CACNA1D: variants seen among roughly 807,000 people sequenced by gnomAD.
CACNA1D encodes the protein voltage-dependent L-type calcium channel subunit alpha-1D.
In CACNA1D, 55 loss-of-function variants were observed where a neutral mutation model predicts 257.1. The ratio of observed to expected loss-of-function variants is 0.21; its 90% CI spans 0.17 to 0.27. The LOEUF (loss-of-function observed/expected upper bound fraction) is 0.27. Ranked by LOEUF, CACNA1D falls within the 10% of genes least tolerant of loss-of-function variation. The pLI, the probability that CACNA1D is intolerant of heterozygous loss-of-function variation, is 1.00. For missense variants in CACNA1D, 1,876 were observed against 2,784.0 expected, an observed-to-expected ratio of 0.67 and a Z score of 7.34; for synonymous variants, 980 against 1,014.9, an observed-to-expected ratio of 0.97 and a Z score of 0.65.
At chr3:53,499,132 G>A (rs1187807871) in intron 2 of CACNA1D, among the ~76,000 whole-genome samples, 2 of 152,028 alleles carry the variant, frequency 1.3e-5, no homozygotes, top group Admixed American at 6.5e-5. Flanking sequence ...CTTTGTGCAC[G>A]GTAATGTGTA....
At chr3:53,679,968 A>T (rs1267636803) in intron 8 of CACNA1D, among the ~76,000 whole-genome samples, 1 of 152,226 alleles carries the variant, frequency 6.6e-6, no homozygotes, top group Non-Finnish European at 1.5e-5. Context: ...TCTAATAAAG[A>T]ACCTAGCTAA....
In CACNA1D at chr3:53,693,935, A is replaced by G. The variant is rs149652642; in HGVS notation, c.1221-8706A>G. Among the ~76,000 whole-genome samples the G allele has an allele frequency of 4.7e-3, 713 of 152,340 alleles. 8 individuals are homozygous for G. Among genetic ancestry groups the G allele is most frequent in the African/African-American group, 0.017 (689 of 41,578 alleles). Reference sequence around the variant, plus strand: ...TAGCATTGCAACACAAGAAAAAAAAATCCTGTATCTAAATCAAGATGACTT... The same window carrying G: ...TAGCATTGCAACACAAGAAAAAAAAGTCCTGTATCTAAATCAAGATGACTT... On this transcript the variant is annotated intron_variant, in intron 8 of 47. Coordinates refer to ENST00000350061, the MANE Select transcript of CACNA1D (RefSeq NM_001128840.3).
intron 3 of CACNA1D, among the ~76,000 whole-genome samples, chr3:53,596,126 A>G (rs2093366505): frequency 6.6e-6 from 1 of 152,140 alleles, no homozygotes; most frequent in Non-Finnish European, 1.5e-5. Flanking sequence ...GCTGTATCAC[A>G]GTTCTCTTCT....
chr3:53,660,000 G>A, intron 4 of CACNA1D, 133 bp from the exon 5 acceptor site: 1 of 770,380 alleles, frequency 1.3e-6, no homozygotes, highest in South Asian at 1.6e-5. Context: ...CCCAGTTCTT[G>A]TCTTTGTCTT....
intron 8 of CACNA1D, among the ~76,000 whole-genome samples, chr3:53,701,365 C>T (rs1380801588): frequency 6.6e-6 from 1 of 152,124 alleles, no homozygotes; most frequent in Non-Finnish European, 1.5e-5. Flanking sequence ...AACTCCTGAC[C>T]TCATGATCCA....
intron 21 of CACNA1D, 116 bp from the exon 22 acceptor site, chr3:53,742,895 C>T (rs1314086027): frequency 2.6e-6 from 2 of 765,304 alleles, no homozygotes; most frequent in Admixed American, 1.9e-5. Context: ...ACATTTCTGA[C>T]TTCTTAATGC....
At chr3:53,549,016 A>C (rs748494405) in intron 3 of CACNA1D, among the ~76,000 whole-genome samples, 6 of 152,228 alleles carry the variant, frequency 3.9e-5, no homozygotes, top group Non-Finnish European at 5.9e-5. Flanking sequence ...CAGAAGAGTT[A>C]AAAAATAGAA....
intron 20 of CACNA1D, among the ~76,000 whole-genome samples, chr3:53,737,989 C>T (rs1576510513): frequency 1.3e-5 from 2 of 152,196 alleles, no homozygotes; most frequent in East Asian, 3.9e-4. Flanking sequence ...TTACTCGGCA[C>T]TGAGGACCAT....
At chr3:53,778,443 G>A (rs1354852501) in intron 37 of CACNA1D, among the ~76,000 whole-genome samples, 2 of 152,242 alleles carry the variant, frequency 1.3e-5, no homozygotes, top group Non-Finnish European at 2.9e-5. Flanking sequence ...GGGTTGGTAG[G>A]AGGACTAGGA....
rs576837404 is a variant in CACNA1D, at chr3:53,632,909, C to T, written c.484-17870C>T. ...TGATCATAGATCACCGTACCAGATA[C>T]GATAAAAATGAAACAGTTTGAAATA... On this transcript the variant is annotated intron_variant, in intron 3 of 47. Coordinates refer to ENST00000350061, the MANE Select transcript of CACNA1D (RefSeq NM_001128840.3). 8.5e-5 allele frequency among the ~76,000 whole-genome samples: 13 copies of T among 152,096 alleles called. No individual in the cohort carries two copies. The South Asian group carries it at 1.7e-3, about 19-fold the overall frequency.
chr3:53,732,107 C>G, intron 18 of CACNA1D, 25 bp downstream of exon 18: 1 of 1,575,380 alleles, frequency 6.3e-7, no homozygotes, highest in South Asian at 1.1e-5. Context: ...GCCGGAGACG[C>G]TGGCTTTGCT....
At chr3:53,762,167 C>T (rs531579694) in intron 30 of CACNA1D, 86 bp downstream of exon 30, 15 of 856,562 alleles carry the variant, frequency 1.8e-5, no homozygotes, top group African/African-American at 1.3e-4. Flanking sequence ...AGTGGCATCA[C>T]CTGGACAAGT....
At chr3:53,540,664 C>T (rs772469364) in intron 3 of CACNA1D, among the ~76,000 whole-genome samples, 7 of 152,082 alleles carry the variant, frequency 4.6e-5, no homozygotes, top group Non-Finnish European at 7.3e-5. Flanking sequence ...TACTTTTTCA[C>T]ATACAATTTT....
intron 45 of CACNA1D, among the ~76,000 whole-genome samples, chr3:53,807,299 A>G (rs1309900122): frequency 6.6e-6 from 1 of 152,226 alleles, no homozygotes; most frequent in Non-Finnish European, 1.5e-5. Flanking sequence ...CGTGGAGGGA[A>G]GGCTTTCTGA....
Position 53,630,536 on chromosome 3 carries a change from A to G in CACNA1D, c.484-20243A>G, listed in dbSNP as rs1049846136. On this transcript the variant is annotated intron_variant, in intron 3 of 47. Coordinates refer to ENST00000350061, the MANE Select transcript of CACNA1D (RefSeq NM_001128840.3). ...CCAACTGACATAAACTTGGGAACCAACCACCAACTCCTGATAAGCAAACAG... is the reference window on the plus strand; with the variant it reads ...CCAACTGACATAAACTTGGGAACCAGCCACCAACTCCTGATAAGCAAACAG... Among the ~76,000 whole-genome samples the G allele has an allele frequency of 3.9e-5, 6 of 152,314 alleles. No individual in the cohort carries two copies. In the South Asian group the frequency reaches 8.3e-4, roughly 21 times the overall value.
chr3:53,747,235 C>A lies in CACNA1D; in HGVS notation c.3168-67C>A, dbSNP rs200029348. On this transcript the variant is annotated intron_variant, in intron 25 of 47. Coordinates refer to ENST00000350061, the MANE Select transcript of CACNA1D (RefSeq NM_001128840.3). ...TGGAGGTTGGATTGGGGCAGTGTGT[C>A]CAACTTTACGCTGCTTCCACCTGTC... 8,353 of 1,436,508 alleles carry A rather than the reference C, an allele frequency of 5.8e-3. 25 individuals are homozygous for A. Among genetic ancestry groups the A allele is most frequent in the Middle Eastern group, 8.4e-3 (37 of 4,406 alleles). 89.0% of individuals were successfully genotyped at this position (1,436,508 alleles called of 1,614,324 possible). A position where few individuals can be genotyped will look rare whatever the true frequency, so the allele number is the denominator to read the frequency against.
intron 3 of CACNA1D, among the ~76,000 whole-genome samples, chr3:53,525,513 C>T (rs1246699878): frequency 6.6e-6 from 1 of 152,126 alleles, no homozygotes; most frequent in Non-Finnish European, 1.5e-5. Context: ...GGTAGCTTTG[C>T]AGTAGGGGAG....
At chr3:53,511,350 G>T (rs2091099467) in intron 3 of CACNA1D, among the ~76,000 whole-genome samples, 1 of 152,146 alleles carries the variant, frequency 6.6e-6, no homozygotes, top group African/African-American at 2.4e-5. Flanking sequence ...TTTCCCAGCA[G>T]CGGCGGCGAA....
chr3:53,608,922 G>T (rs144619902), intron 3 of CACNA1D, among the ~76,000 whole-genome samples: 2 of 152,234 alleles, frequency 1.3e-5, no homozygotes, highest in Non-Finnish European at 2.9e-5. Flanking sequence ...GTACATGAGG[G>T]ATATTGGTTT....
Sources: gnomAD v4.1 joint callset for allele counts (sites outside exome capture counted in the v4.1 genomes callset) on GRCh38, gnomAD v4.1.1 for gene constraint, MANE v1.5 for transcripts, NCBI Gene and HGNC (gene_info 2026-07-23, HGNC 2026-07-21) for gene names.